The following SYBU variants were observed in gnomAD, a reference collection of about 807,000 sequenced individuals.
SYBU encodes GOLSYN A protein.
Under a neutral mutation model 35.9 loss-of-function variants are expected in SYBU, and 21 were observed. The observed-to-expected ratio is 0.58, with a 90% CI of 0.41 to 0.84. The LOEUF is 0.84. Among genes scored for constraint, SYBU ranks in the 40% least tolerant of loss-of-function variants. SYBU has a pLI of 0.00. For missense variants in SYBU, 768 were observed against 848.2 expected, an observed-to-expected ratio of 0.91 and a Z score of 1.17; for synonymous variants, 319 against 324.3, an observed-to-expected ratio of 0.98 and a Z score of 0.18.
At chr8:109,616,693 AT>A (rs1452620092) in intron 3 of SYBU, among the ~76,000 whole-genome samples, 1 of 146,742 alleles carries the variant, frequency 6.8e-6, no homozygotes, top group Non-Finnish European at 1.5e-5. Context: ...ATGATGAAAC[AT>A]ACTTTTTTTT....
chr8:109,578,148 A>C, intron 5 of SYBU, 131 bp from the exon 6 acceptor site: 4 of 1,005,626 alleles, frequency 4.0e-6, no homozygotes, highest in Non-Finnish European at 2.9e-6. Context: ...TCTTACCCCA[A>C]TATGACGGTA....
chr8:109,679,355 T>C lies in SYBU; in HGVS notation c.-129+1356A>G, dbSNP rs566626816. On this transcript the variant is annotated intron_variant, in intron 1 of 5. Coordinates refer to the SYBU transcript ENST00000408889. Reference sequence around the variant, plus strand: ...GTAGCTCATGCTGCTGCTCTGCCTATGGAGTAGCCATTCCTTTGTTTCTTT... The same window carrying C: ...GTAGCTCATGCTGCTGCTCTGCCTACGGAGTAGCCATTCCTTTGTTTCTTT... 2.0e-5 allele frequency among the ~76,000 whole-genome samples: 3 copies of C among 152,366 alleles called. No homozygotes were observed. In the East Asian group the frequency reaches 5.8e-4, roughly 29 times the overall value.
chr8:109,645,740 A>G, upstream of SYBU: 1 of 198,130 alleles, frequency 5.0e-6, no homozygotes, highest in South Asian at 9.6e-5. Context: ...CCTGGGATCA[A>G]GGGATCATCC....
intron 1 of SYBU, among the ~76,000 whole-genome samples, chr8:109,663,135 T>C (rs1285663616): frequency 6.6e-6 from 1 of 152,170 alleles, no homozygotes; most frequent in African/African-American, 2.4e-5. Context: ...AATGCCATTG[T>C]CAGAGATTCC....
At chr8:109,604,107 A>G (rs1825825241) in intron 3 of SYBU, among the ~76,000 whole-genome samples, 1 of 152,212 alleles carries the variant, frequency 6.6e-6, no homozygotes, top group African/African-American at 2.4e-5. Context: ...AAGAAAAAAG[A>G]AAACGTGATC....
intron 3 of SYBU, among the ~76,000 whole-genome samples, chr8:109,616,412 T>C (rs938964460): frequency 6.6e-6 from 1 of 152,202 alleles, no homozygotes; most frequent in African/African-American, 2.4e-5. Context: ...GATTAGGGAA[T>C]TGCTCAGTGT....
chr8:109,586,188 G>C (rs777893646), intron 3 of SYBU, 26 bp from the exon 4 acceptor site: 1 of 1,546,392 alleles, frequency 6.5e-7, no homozygotes, highest in Admixed American at 1.8e-5. Flanking sequence ...GGAGAGAGAA[G>C]CGTGAGGGAA....
chr8:109,671,099 G>A (rs1415387370), intron 1 of SYBU, among the ~76,000 whole-genome samples: 1 of 152,084 alleles, frequency 6.6e-6, no homozygotes, highest in Non-Finnish European at 1.5e-5. Context: ...TGAAAATGCT[G>A]ATTTCAAATG....
At chr8:109,647,749 C>A (rs1198276292), upstream of SYBU, 1 of 152,166 alleles carries the variant, frequency 6.6e-6, no homozygotes, top group Non-Finnish European at 1.5e-5. Flanking sequence ...TGGGTGTGTG[C>A]CTAAAAAATC....
chr8:109,672,674 G>A (rs1292838388), intron 1 of SYBU, among the ~76,000 whole-genome samples: 1 of 152,160 alleles, frequency 6.6e-6, no homozygotes, highest in Non-Finnish European at 1.5e-5. Flanking sequence ...GAATGCCAGC[G>A]AGACAGAACC....
Position 109,575,819 on chromosome 8 carries a change from A to G in SYBU, c.1079T>C (p.Val360Ala), listed in dbSNP as rs1822217391. The G allele has an allele frequency of 6.2e-7, 1 of 1,613,998 alleles. No homozygotes were observed. Among genetic ancestry groups the G allele is most frequent in the African/African-American group, 1.3e-5 (1 of 74,898 alleles). Residue 360 changes from valine to alanine, a missense_variant, in exon 7 of 7, where the codon GTG (valine) becomes GCG (alanine). Val to Ala is a moderately conservative substitution (Grantham distance 64). Transcript: ENST00000276646. ...CTTCTTGTTTTGGATGTTTATGTCCACAAAATATTTCTGAATGCCTTTATC... is the reference window on the plus strand; with the variant it reads ...CTTCTTGTTTTGGATGTTTATGTCCGCAAAATATTTCTGAATGCCTTTATC... ...DKDKGIQKYF[V>A]DINIQNKKLE...
At chr8:109,644,979 C>A (rs1815470342), upstream of SYBU, 3 of 502,296 alleles carry the variant, frequency 6.0e-6, no homozygotes, top group East Asian at 1.1e-4. Context: ...GATTTCCCCA[C>A]GGCACTCCGC....
chr8:109,661,617 G>A (rs1816562229), intron 1 of SYBU, among the ~76,000 whole-genome samples: 2 of 152,280 alleles, frequency 1.3e-5, no homozygotes, highest in Non-Finnish European at 2.9e-5. Context: ...TGTGAATAGT[G>A]CAAGAAGAAG....
At chr8:109,580,879 A>G (rs901579667) in intron 4 of SYBU, 7 of 152,282 alleles carry the variant, frequency 4.6e-5, no homozygotes, top group African/African-American at 1.7e-4. Flanking sequence ...AATCACTTAC[A>G]GTTTCCTGAA....
At chr8:109,586,702 C>T (rs1332022356) in intron 3 of SYBU, among the ~76,000 whole-genome samples, 1 of 152,204 alleles carries the variant, frequency 6.6e-6, no homozygotes, top group Non-Finnish European at 1.5e-5. Flanking sequence ...TCTGAGGTGA[C>T]TTTCTCTGAC....
intron 2 of SYBU, among the ~76,000 whole-genome samples, chr8:109,630,559 A>G (rs1023730092): frequency 2.0e-5 from 3 of 152,230 alleles, no homozygotes; most frequent in Non-Finnish European, 4.4e-5. Flanking sequence ...TATATTTGAG[A>G]TAAATTTGGA....
intron 3 of SYBU, among the ~76,000 whole-genome samples, chr8:109,610,202 T>C (rs1811017542): frequency 6.6e-6 from 1 of 152,178 alleles, no homozygotes; most frequent in Non-Finnish European, 1.5e-5. Context: ...TACCTTGTTT[T>C]ACTTGTCACC....
intron 2 of SYBU, among the ~76,000 whole-genome samples, chr8:109,619,860 T>C (rs1812233572): frequency 6.6e-6 from 1 of 152,228 alleles, no homozygotes; most frequent in African/African-American, 2.4e-5. Flanking sequence ...TGTTTTATCA[T>C]ACACACACAA....
chr8:109,649,204 A>G (rs919751140), upstream of SYBU, among the ~76,000 whole-genome samples: 2 of 151,536 alleles, frequency 1.3e-5, no homozygotes, highest in Non-Finnish European at 2.9e-5. Flanking sequence ...GGGTTTCACC[A>G]TGTTGGCCAG....
Sources: gnomAD v4.1 joint callset for allele counts (sites outside exome capture counted in the v4.1 genomes callset) on GRCh38, gnomAD v4.1.1 for gene constraint, MANE v1.5 for transcripts, NCBI Gene and HGNC (gene_info 2026-07-23, HGNC 2026-07-21) for gene names.